TBC1D12: variants seen among roughly 807,000 people sequenced by gnomAD.
TBC1D12 encodes the protein TBC1 domain family, member 12.
Under a neutral mutation model 86.7 loss-of-function variants are expected in TBC1D12, and 56 were observed. That is an observed-to-expected ratio of 0.65 (90% CI 0.52 to 0.81). The LOEUF (loss-of-function observed/expected upper bound fraction) is 0.81, where lower values mean the gene tolerates loss of function less well. TBC1D12 is among the 30% of genes least tolerant of loss of function. TBC1D12 has a pLI of 0.00. For missense variants in TBC1D12, 1,023 were observed against 1,038.8 expected (o/e 0.98, Z 0.21); for synonymous variants, 421 against 411.7 (o/e 1.02, Z -0.27).
intron 1 of TBC1D12, among the ~76,000 whole-genome samples, chr10:94,406,114 A>G (rs1016204996): frequency 2.0e-5 from 3 of 152,182 alleles, no homozygotes; most frequent in African/African-American, 7.2e-5. Flanking sequence ...CCAGCCAACA[A>G]TGTTATTTAT....
Position 94,533,099 on chromosome 10 carries a change from TTCAAAATTG to T in TBC1D12, c.*4_*12del. On this transcript the variant is annotated 3_prime_UTR_variant, in exon 13 of 13. Transcript: ENST00000225235. ...GTAGTCCTGCTTTGAAAAGCTAGTC[TTCAAAATTG>T]ACAGACTAACTGACATAGAAAAAGT... 1 of 1,579,368 alleles carries T rather than the reference TTCAAAATTG, an allele frequency of 6.3e-7. No individual in the cohort carries two copies. Among genetic ancestry groups the T allele is most frequent in the East Asian group, 2.3e-5 (1 of 43,902 alleles).
At chr10:94,448,049 A>C (rs1285936182) in intron 2 of TBC1D12, among the ~76,000 whole-genome samples, 1 of 151,882 alleles carries the variant, frequency 6.6e-6, no homozygotes, top group Non-Finnish European at 1.5e-5. Flanking sequence ...TTTCTGGTAA[A>C]GTTTAAGTTG....
At chr10:94,447,757 T>C in intron 2 of TBC1D12, 3 of 879,958 alleles carry the variant, frequency 3.4e-6, no homozygotes, top group Non-Finnish European at 4.1e-6. Flanking sequence ...TTTTGTTTTT[T>C]TTTCTAAATT....
intron 7 of TBC1D12, 28 bp downstream of exon 7, chr10:94,507,375 T>A: frequency 6.4e-7 from 1 of 1,567,972 alleles, no homozygotes; most frequent in South Asian, 1.2e-5. Context: ...AAATAAGAAT[T>A]TTAGGATGAA....
chr10:94,433,453 G>T (rs939736214), intron 1 of TBC1D12, among the ~76,000 whole-genome samples: 2 of 152,102 alleles, frequency 1.3e-5, no homozygotes, highest in Non-Finnish European at 2.9e-5. Flanking sequence ...CCTAATCAAA[G>T]ATTTATGTAT....
At chr10:94,502,225 G>A (rs1473251063) in intron 6 of TBC1D12, among the ~76,000 whole-genome samples, 6 of 151,858 alleles carry the variant, frequency 4.0e-5, no homozygotes, top group Admixed American at 2.0e-4. Context: ...CCAGCTACTC[G>A]GGAGGCTGAG....
intron 1 of TBC1D12, among the ~76,000 whole-genome samples, chr10:94,433,873 G>A (rs1428515917): frequency 1.1e-4 from 17 of 151,800 alleles, no homozygotes; most frequent in Admixed American, 1.1e-3. Context: ...AGAATGGAAT[G>A]CTTTTTTTTT....
chr10:94,460,158 G>A (rs980051007), intron 2 of TBC1D12, among the ~76,000 whole-genome samples: 2 of 152,178 alleles, frequency 1.3e-5, no homozygotes, highest in Non-Finnish European at 2.9e-5. Flanking sequence ...CTTGAACCTG[G>A]GAGGCGGAAG....
At position 94,533,691 on chromosome 10, in the gene TBC1D12, T is replaced by C. The variant is rs1422220634; in HGVS notation, c.*595T>C. The C allele has an allele frequency of 6.6e-6, 1 of 152,224 alleles. No homozygotes were observed. The highest frequency in any genetic ancestry group is 1.5e-5 in the Non-Finnish European group (1 of 68,028). 9.4% of individuals were successfully genotyped at this position (152,224 alleles called of 1,614,324 possible). A position where few individuals can be genotyped will look rare whatever the true frequency, so the allele number is the denominator to read the frequency against. On this transcript the variant is annotated 3_prime_UTR_variant, in exon 13 of 13. Coordinates refer to ENST00000225235, the MANE Select transcript of TBC1D12 (RefSeq NM_015188.2). ...TGTTTATTGTTTGTTTAGATGTTTT[T>C]CCATAGTATGGTGTCCATTTGTTTT...
At chr10:94,437,201 T>A (rs762616581) in intron 1 of TBC1D12, among the ~76,000 whole-genome samples, 1 of 152,190 alleles carries the variant, frequency 6.6e-6, no homozygotes, top group Admixed American at 6.5e-5. Flanking sequence ...AAATTGTCTT[T>A]GAGTTTCAGC....
At chr10:94,480,112 T>A (rs1352461018) in intron 3 of TBC1D12, among the ~76,000 whole-genome samples, 4 of 152,190 alleles carry the variant, frequency 2.6e-5, no homozygotes, top group Admixed American at 2.6e-4. Flanking sequence ...TTGCAATTAG[T>A]GTCAGATCAG....
At chr10:94,461,729 A>G (rs2055733188) in intron 2 of TBC1D12, among the ~76,000 whole-genome samples, 1 of 108,340 alleles carries the variant, frequency 9.2e-6, no homozygotes. Context: ...CAGCACTGCC[A>G]GAGGTTTCAG....
chr10:94,447,621 G>A, intron 2 of TBC1D12: 2 of 985,106 alleles, frequency 2.0e-6, no homozygotes, highest in Non-Finnish European at 2.4e-6. Flanking sequence ...ATTATCACAT[G>A]TGTTCTCTTG....
chr10:94,470,146 C>G (rs1388330030), intron 2 of TBC1D12, among the ~76,000 whole-genome samples: 1 of 152,054 alleles, frequency 6.6e-6, no homozygotes, highest in Non-Finnish European at 1.5e-5. Flanking sequence ...ACTGAGAGAA[C>G]AGTAGAGAAA....
In TBC1D12 at chr10:94,530,554, T is replaced by C. The variant is rs150432254; in HGVS notation, c.2001-648T>C. On this transcript the variant is annotated intron_variant, in intron 11 of 12. Transcript: ENST00000225235. ...AAACGCTGATGTAAACACTTTTACG[T>C]TTATTAACTACTATAATTTTTAAAA... 3.9e-3 allele frequency among the ~76,000 whole-genome samples: 599 copies of C among 152,308 alleles called. 5 individuals are homozygous for C. Among genetic ancestry groups the C allele is most frequent in the African/African-American group, 0.014 (580 of 41,554 alleles).
At chr10:94,418,485 A>G (rs551864842) in intron 1 of TBC1D12, among the ~76,000 whole-genome samples, 9 of 152,148 alleles carry the variant, frequency 5.9e-5, no homozygotes, top group Non-Finnish European at 1.2e-4. Context: ...TTATCAGCCT[A>G]ACAGATTATT....
At position 94,469,487 on chromosome 10, in the gene TBC1D12, C is replaced by T. The variant is rs1237835601; in HGVS notation, c.1096-5181C>T. Among the ~76,000 whole-genome samples, 22 of 122,374 alleles carry T rather than the reference C, an allele frequency of 1.8e-4. No individual in the cohort carries two copies. The Admixed American group carries it at 2.0e-3, about 11-fold the overall frequency. 80.3% of individuals were successfully genotyped at this position (122,374 alleles called of 152,430 possible). On this transcript the variant is annotated intron_variant, in intron 2 of 12. Coordinates refer to ENST00000225235, the MANE Select transcript of TBC1D12 (RefSeq NM_015188.2). Reference sequence around the variant, plus strand: ...TTTTTGAGATGGAGTCTCATTCTGTCACTCACGCTGGAGTGCAGTGGGGTG... The same window carrying T: ...TTTTTGAGATGGAGTCTCATTCTGTTACTCACGCTGGAGTGCAGTGGGGTG...
chr10:94,462,658 A>G (rs969643208), intron 2 of TBC1D12, among the ~76,000 whole-genome samples: 2 of 151,800 alleles, frequency 1.3e-5, no homozygotes, highest in African/African-American at 2.4e-5. Flanking sequence ...AGAGTTTTAT[A>G]TGTCATCTAT....
chr10:94,475,037 C>G (rs1002452978), intron 3 of TBC1D12, among the ~76,000 whole-genome samples: 1 of 152,194 alleles, frequency 6.6e-6, no homozygotes, highest in African/African-American at 2.4e-5. Context: ...GCCTCAGTCT[C>G]CCCTTCCAGG....
Sources: allele counts gnomAD v4.1 joint callset (sites outside exome capture counted in the v4.1 genomes callset), GRCh38; gene constraint gnomAD v4.1.1; transcripts MANE v1.5; gene names NCBI Gene and HGNC (gene_info 2026-07-23, HGNC 2026-07-21).